Variants in PRSS38 observed in about 807,000 individuals in gnomAD.
The protein encoded by PRSS38 is serine protease 38, also known as marapsin 2.
Under a neutral mutation model 26.8 loss-of-function variants are expected in PRSS38, and 22 were observed. The observed-to-expected ratio is 0.82, with a 90% CI of 0.59 to 1.17. PRSS38 has a LOEUF of 1.17. Ranked by LOEUF, PRSS38 falls within the 50% of genes most tolerant of loss-of-function variation. PRSS38 has a pLI of 0.00. For synonymous variants in PRSS38, 175 were observed against 172.1 expected, an observed-to-expected ratio of 1.02 and a Z score of -0.13; for missense variants, 427 against 422.7, an observed-to-expected ratio of 1.01 and a Z score of -0.09.
intron 3 of PRSS38, among the ~76,000 whole-genome samples, chr1:227,841,813 G>A (rs551481154): frequency 6.6e-6 from 1 of 152,286 alleles, no homozygotes; most frequent in South Asian, 2.1e-4. Flanking sequence ...ATGTAAGCAG[G>A]CAGTTGTCTT....
At chr1:227,846,396 G>A (rs530259753) in exon 5 of PRSS38, 3 of 706,380 alleles carry the variant, frequency 4.2e-6, no homozygotes, top group South Asian at 3.9e-5. Context: ...GGGGGAGAGG[G>A]GCTGGTCAGG....
Position 227,816,357 on chromosome 1 carries a change from A to C in PRSS38, c.311+105A>C. ...CAAGCCTCCCCCATCACCATTGTCG[A>C]CTCCCTTCACCACTGTCGACCCGCG... On this transcript the variant is annotated intron_variant, in intron 2 of 4. Transcript: ENST00000366757. The surrounding 1 kb of genome is among the most constrained non-coding windows in gnomAD (Gnocchi z 5.1). The C allele has an allele frequency of 1.6e-6, 2 of 1,263,076 alleles. No individual in the cohort carries two copies. The highest frequency in any genetic ancestry group is 2.2e-6 in the Non-Finnish European group (2 of 908,532). The allele number at this position is 1,263,076 out of a possible 1,614,324, so 78.2% of individuals were successfully genotyped here. A position where few individuals can be genotyped will look rare whatever the true frequency, so the allele number is the denominator to read the frequency against.
At chr1:227,838,104 T>C (rs1422293995) in intron 3 of PRSS38, among the ~76,000 whole-genome samples, 1 of 152,170 alleles carries the variant, frequency 6.6e-6, no homozygotes, top group African/African-American at 2.4e-5. Flanking sequence ...AAGTTTTGGA[T>C]TTTGATGAAG....
chr1:227,825,862 GC>G (rs1473814498), intron 3 of PRSS38, among the ~76,000 whole-genome samples: 4 of 152,074 alleles, frequency 2.6e-5, no homozygotes, highest in African/African-American at 9.7e-5. Context: ...GGCTATTCAG[GC>G]TTTTTTTTGT....
exon 4 of PRSS38, chr1:227,845,570 G>A (rs1170196567): frequency 5.6e-6 from 9 of 1,613,782 alleles, no homozygotes; most frequent in South Asian, 1.1e-5. Context: ...TGCCCGACAT[G>A]CTGTGTGCTG....
At chr1:227,818,724 G>A (rs1664959530) in intron 3 of PRSS38, among the ~76,000 whole-genome samples, 1 of 143,802 alleles carries the variant, frequency 7.0e-6, no homozygotes, top group Non-Finnish European at 1.5e-5. Flanking sequence ...GATGGGTCTA[G>A]AATTTTTTTT....
chr1:227,830,588 G>T (rs1467973925), intron 3 of PRSS38, among the ~76,000 whole-genome samples: 1 of 144,856 alleles, frequency 6.9e-6, no homozygotes, highest in African/African-American at 2.6e-5. Flanking sequence ...TACAACCTCC[G>T]CCTCTGGGTT....
At chr1:227,843,913 G>T (rs987061509) in intron 3 of PRSS38, among the ~76,000 whole-genome samples, 1 of 151,916 alleles carries the variant, frequency 6.6e-6, no homozygotes, top group Non-Finnish European at 1.5e-5. Flanking sequence ...CCAGCTACTC[G>T]GGAGGTGGAG....
exon 5 of PRSS38, chr1:227,845,960 T>C (rs1371404715): frequency 7.4e-6 from 12 of 1,613,950 alleles, no homozygotes; most frequent in Non-Finnish European, 1.0e-5. Context: ...CTAGGGCGAC[T>C]CCGGGGGCCC....
rs895646693 is a variant in PRSS38 at position 227,816,731 on chromosome 1, C to G, written c.312-478C>G. Among the ~76,000 whole-genome samples, 1 of 152,072 alleles carries G rather than the reference C, an allele frequency of 6.6e-6. No individual in the cohort carries two copies. The highest frequency in any genetic ancestry group is 2.4e-5 in the African/African-American group (1 of 41,370). ...GATTCCCACAAGTGAGGCTGGTCCT[C>G]AAGTGCACAGCCAGGTCCCACAAAA... On this transcript the variant is annotated intron_variant, in intron 2 of 4. Coordinates refer to ENST00000366757, the Ensembl canonical transcript of PRSS38. This position sits in a 1 kb window ranked among gnomAD's most constrained non-coding sequence, Gnocchi z 5.1.
Position 227,815,923 on chromosome 1 carries a change from C to T in PRSS38, c.148+59C>T, listed in dbSNP as rs564797738. On this transcript the variant is annotated intron_variant, in intron 1 of 4. Coordinates refer to ENST00000366757, the Ensembl canonical transcript of PRSS38. ...GAGACAGTGCCCTTGGGGCGTCTGT[C>T]GGTGCTGGGCCTCCTCCCCCATGTC... The T allele has an allele frequency of 2.9e-5, 45 of 1,540,930 alleles. No individual in the cohort carries two copies. In the South Asian group the frequency reaches 3.0e-4, roughly 10 times the overall value.
exon 5 of PRSS38, chr1:227,846,186 T>C (rs201974381): frequency 6.2e-7 from 1 of 1,611,550 alleles, no homozygotes; most frequent in African/African-American, 1.3e-5. Context: ...ATGGCCATGC[T>C]GGCTGGCTGG....
intron 3 of PRSS38, among the ~76,000 whole-genome samples, chr1:227,832,577 C>T (rs1385056009): frequency 1.3e-5 from 2 of 152,154 alleles, no homozygotes; most frequent in African/African-American, 4.8e-5. Flanking sequence ...TACCGAAAGC[C>T]TTCCCTCCAA....
At chr1:227,815,724 C>T in exon 1 of PRSS38, 1 of 1,588,860 alleles carries the variant, frequency 6.3e-7, no homozygotes, top group African/African-American at 1.3e-5. Context: ...CTCATGGCTG[C>T]CCCTGCTTCC....
chr1:227,817,233 C>T (rs202140939), exon 3 of PRSS38: 18 of 1,613,984 alleles, frequency 1.1e-5, no homozygotes, highest in Non-Finnish European at 1.2e-5. Context: ...AAATCTATGA[C>T]ATGTACGTAG....
In PRSS38 at chr1:227,834,449, A is replaced by G. The variant is rs182670935; in HGVS notation, c.584-11021A>G. On this transcript the variant is annotated intron_variant, in intron 3 of 4. Transcript: ENST00000366757. ...TTTGGGAGGCCAAGGCGGGCAGATTACTTGAGCCTAGGAGTTCGAGACCAG... is the reference window on the plus strand; with the variant it reads ...TTTGGGAGGCCAAGGCGGGCAGATTGCTTGAGCCTAGGAGTTCGAGACCAG... 6.6e-3 allele frequency among the ~76,000 whole-genome samples: 1,000 copies of G among 152,258 alleles called. 5 individuals are homozygous for G. Among genetic ancestry groups the G allele is most frequent in the Non-Finnish European group, 0.011 (740 of 68,006 alleles).
chr1:227,831,467 G>A, intron 3 of PRSS38, among the ~76,000 whole-genome samples: 1 of 152,132 alleles, frequency 6.6e-6, no homozygotes, highest in Non-Finnish European at 1.5e-5. Context: ...ATGTGTGTTT[G>A]GAAAGAATAT....
At chr1:227,818,329 C>A (rs565909372) in intron 3 of PRSS38, among the ~76,000 whole-genome samples, 2 of 152,060 alleles carry the variant, frequency 1.3e-5, no homozygotes, top group Non-Finnish European at 2.9e-5. Flanking sequence ...GAAATGTTTG[C>A]GGCAACTCTT....
At chr1:227,829,694 A>G (rs4622126) in intron 3 of PRSS38, among the ~76,000 whole-genome samples, 23,790 of 152,148 alleles carry the variant, frequency 0.16, 2,068 homozygotes, top group African/African-American at 0.23. Flanking sequence ...ATTCTGAGAA[A>G]TGTAGTTTAA....
Sources: allele counts gnomAD v4.1 joint callset (sites outside exome capture counted in the v4.1 genomes callset), GRCh38; gene constraint gnomAD v4.1.1; non-coding constraint Gnocchi (gnomAD v3.1); transcripts MANE v1.5; gene names NCBI Gene and HGNC (gene_info 2026-07-23, HGNC 2026-07-21).